The following DNER variants were observed in gnomAD, a reference collection of about 807,000 sequenced individuals.
DNER encodes the protein delta/notch like EGF repeat containing, also known as delta and Notch-like epidermal growth factor-related receptor.
DNER carries 33 observed loss-of-function variants against 78.2 expected under a neutral mutation model. The ratio of observed to expected loss-of-function variants is 0.42; its 90% CI spans 0.32 to 0.56. The LOEUF is 0.56. Ranked by LOEUF, DNER falls within the 20% of genes least tolerant of loss-of-function variation. DNER has a pLI of 0.11. For synonymous variants in DNER, 417 were observed against 384.8 expected (o/e 1.08, Z -0.98); for missense variants, 918 against 975.3 (o/e 0.94, Z 0.78).
At chr2:229,655,389 C>T (rs16826294) in intron 1 of DNER, among the ~76,000 whole-genome samples, 3 of 151,990 alleles carry the variant, frequency 2.0e-5, no homozygotes, top group East Asian at 1.9e-4. Flanking sequence ...TAAAAACCTC[C>T]TGGAGTGTTA....
chr2:229,507,279 G>A (rs1287203850), intron 6 of DNER, among the ~76,000 whole-genome samples: 1 of 152,174 alleles, frequency 6.6e-6, no homozygotes, highest in Non-Finnish European at 1.5e-5. Context: ...CTGTCAGTAT[G>A]TGGTCCGTCA....
At position 229,559,560 on chromosome 2, in the gene DNER, G is replaced by A. The variant is rs529721428; in HGVS notation, c.848-12468C>T. 5.3e-5 allele frequency among the ~76,000 whole-genome samples: 8 copies of A among 151,988 alleles called. No individual in the cohort carries two copies. The East Asian group carries it at 1.5e-3, about 29-fold the overall frequency. ...GGAAGAGGGAGACTTTGGTCTACCA[G>A]AAAAAAGGAAGTCTCAAGGACTCTA... On this transcript the variant is annotated intron_variant, in intron 4 of 12. Transcript: ENST00000341772.
intron 1 of DNER, among the ~76,000 whole-genome samples, chr2:229,612,015 A>G (rs1294019344): frequency 6.6e-6 from 1 of 152,198 alleles, no homozygotes; most frequent in Non-Finnish European, 1.5e-5. Flanking sequence ...GATCAATCAC[A>G]GCGTGGATTA....
chr2:229,645,641 A>T (rs1405402853), intron 1 of DNER, among the ~76,000 whole-genome samples: 3 of 152,204 alleles, frequency 2.0e-5, no homozygotes, highest in Non-Finnish European at 4.4e-5. Context: ...AATTACAAGG[A>T]GATGAACCAG....
At chr2:229,521,956 C>T (rs1696107579) in intron 5 of DNER, among the ~76,000 whole-genome samples, 1 of 152,048 alleles carries the variant, frequency 6.6e-6, no homozygotes, top group Non-Finnish European at 1.5e-5. Flanking sequence ...TTTATTTCCT[C>T]ATCATTCTTA....
Position 229,447,358 on chromosome 2 carries a change from A to T in DNER, c.1444T>A (p.Cys482Ser). 1 of 1,611,526 alleles carries T rather than the reference A, an allele frequency of 6.2e-7. No homozygotes were observed. Among genetic ancestry groups the T allele is most frequent in the Non-Finnish European group, 8.5e-7 (1 of 1,178,960 alleles). The part of the protein sequence containing the change: ...CALSPCAHGT[C>S]RSVGTSYKCL... The stretch of plus-strand genomic sequence containing the variant: ...TTGTAGCTGGTGCCCACGCTGCGGC[A>T]CGTGCCATGAGCACAGGGGCTGAGG... The change falls in exon 8 of 13, where the codon TGC becomes AGC. Residue 482 changes from cysteine (C) to serine (S), a missense_variant. Coordinates refer to ENST00000341772, the MANE Select transcript of DNER (RefSeq NM_139072.4).
chr2:229,404,638 G>A (rs1020506207), intron 10 of DNER, among the ~76,000 whole-genome samples: 4 of 152,276 alleles, frequency 2.6e-5, no homozygotes, highest in Middle Eastern at 3.4e-3. Flanking sequence ...GCCATTTGAT[G>A]AGCTAGCAGA....
intron 3 of DNER, chr2:229,586,804 C>G (rs1559174567): frequency 1.0e-6 from 1 of 985,788 alleles, no homozygotes; most frequent in Non-Finnish European, 1.2e-6. Flanking sequence ...TGCCCATTCT[C>G]CCCAGTGCTC....
At chr2:229,484,752 A>G (rs572380062) in intron 6 of DNER, among the ~76,000 whole-genome samples, 2 of 152,288 alleles carry the variant, frequency 1.3e-5, no homozygotes, top group East Asian at 3.9e-4. Flanking sequence ...ACAAAGAATT[A>G]TCCAAGGCAA....
intron 1 of DNER, among the ~76,000 whole-genome samples, chr2:229,596,143 C>T (rs2154214785): frequency 6.6e-6 from 1 of 152,264 alleles, no homozygotes. Context: ...GAACAGTGCC[C>T]AGCACATGGG....
intron 11 of DNER, among the ~76,000 whole-genome samples, chr2:229,380,569 G>A (rs1173624831): frequency 1.3e-5 from 2 of 152,092 alleles, no homozygotes. Context: ...AATTGCCCCA[G>A]CTAATTTAAA....
chr2:229,498,903 A>T (rs568966973), intron 6 of DNER, among the ~76,000 whole-genome samples: 25 of 152,320 alleles, frequency 1.6e-4, no homozygotes, highest in East Asian at 5.8e-4. Context: ...CAGAAATTTT[A>T]AAAAAATTCT....
At chr2:229,612,451 G>A (rs1411018298) in intron 1 of DNER, among the ~76,000 whole-genome samples, 2 of 152,230 alleles carry the variant, frequency 1.3e-5, no homozygotes, top group African/African-American at 4.8e-5. Context: ...GCCAGCCACA[G>A]CCAGTAAAGA....
At chr2:229,372,543 G>C (rs1354166665) in intron 11 of DNER, among the ~76,000 whole-genome samples, 1 of 152,188 alleles carries the variant, frequency 6.6e-6, no homozygotes, top group East Asian at 1.9e-4. Flanking sequence ...GCAGCAAGGA[G>C]AAGGGATCTC....
intron 1 of DNER, among the ~76,000 whole-genome samples, chr2:229,652,169 T>A (rs1282939755): frequency 1.8e-4 from 27 of 152,068 alleles, no homozygotes; most frequent in Admixed American, 1.8e-3. Flanking sequence ...TGAAATGAAA[T>A]CACTAAGAAA....
rs529436685 is a variant in DNER, at chr2:229,515,401, T to C, written c.994-2465A>G. 2.0e-5 allele frequency among the ~76,000 whole-genome samples: 3 copies of C among 152,336 alleles called. No homozygotes were observed. The South Asian group carries it at 6.2e-4, about 32-fold the overall frequency. ...GTAAATGCTGTGCACGCCCAGTGCA[T>C]ACAATCCCAAAGCAGGCCTCCAAAT... is the stretch of plus-strand genomic sequence containing the variant. On this transcript the variant is annotated intron_variant, in intron 5 of 12. Coordinates refer to ENST00000341772, the MANE Select transcript of DNER (RefSeq NM_139072.4).
intron 1 of DNER, among the ~76,000 whole-genome samples, chr2:229,668,546 A>G (rs778043717): frequency 0.039 from 435 of 11,166 alleles, 4 homozygotes; most frequent in Non-Finnish European, 0.088. Context: ...GTATATATAT[A>G]TATATATATA....
chr2:229,565,903 A>C (rs1160300103), intron 4 of DNER, among the ~76,000 whole-genome samples: 4 of 152,114 alleles, frequency 2.6e-5, no homozygotes, highest in African/African-American at 9.7e-5. Flanking sequence ...AAATTGTATC[A>C]CTTTATCTCC....
intron 4 of DNER, among the ~76,000 whole-genome samples, chr2:229,582,183 T>C (rs1355926120): frequency 6.6e-6 from 1 of 152,254 alleles, no homozygotes; most frequent in Non-Finnish European, 1.5e-5. Flanking sequence ...GAGTCCAGAT[T>C]GTAAAAGTAA....
Sources: gnomAD v4.1 joint callset for allele counts (sites outside exome capture counted in the v4.1 genomes callset) on GRCh38, gnomAD v4.1.1 for gene constraint, MANE v1.5 for transcripts, NCBI Gene and HGNC (gene_info 2026-07-23, HGNC 2026-07-21) for gene names.